The following RCL1 variants were observed in gnomAD, a reference collection of about 807,000 sequenced individuals.
RCL1 encodes RNA 3'-terminal phosphate cyclase-like protein.
In RCL1, 24 loss-of-function variants were observed where a neutral mutation model predicts 42.4. That is an observed-to-expected ratio of 0.57 (90% CI 0.41 to 0.80). RCL1 has a LOEUF of 0.80. Among genes scored for constraint, RCL1 ranks in the 30% least tolerant of loss-of-function variants. The pLI, the probability that RCL1 is intolerant of heterozygous loss-of-function variation, is 0.00. For missense variants in RCL1, 578 were observed against 467.9 expected, an observed-to-expected ratio of 1.24 and a Z score of -2.17; for synonymous variants, 228 against 177.3, an observed-to-expected ratio of 1.29 and a Z score of -2.27.
chr9:4,815,481 A>G (rs927661624), intron 1 of RCL1, among the ~76,000 whole-genome samples: 3 of 151,570 alleles, frequency 2.0e-5, no homozygotes, highest in African/African-American at 7.3e-5. Flanking sequence ...TGCAAATTTT[A>G]AAATTTATCC....
intron 1 of RCL1, among the ~76,000 whole-genome samples, chr9:4,796,498 T>C (rs2130960392): frequency 6.6e-6 from 1 of 152,330 alleles, no homozygotes; most frequent in East Asian, 1.9e-4. Context: ...TGGGCTCAGG[T>C]GATCCTCTCA....
At chr9:4,831,715 C>T (rs971233884) in intron 3 of RCL1, among the ~76,000 whole-genome samples, 1 of 152,280 alleles carries the variant, frequency 6.6e-6, no homozygotes, top group East Asian at 1.9e-4. Flanking sequence ...AGCTAATCTT[C>T]AGTGGTTTTC....
chr9:4,850,864 G>A (rs1379643468), intron 8 of RCL1, among the ~76,000 whole-genome samples: 2 of 152,168 alleles, frequency 1.3e-5, no homozygotes, highest in South Asian at 2.1e-4. Context: ...AGCTGGGCTC[G>A]TAGCTGCCGT....
At chr9:4,822,983 A>G (rs1409345290) in intron 1 of RCL1, among the ~76,000 whole-genome samples, 1 of 152,190 alleles carries the variant, frequency 6.6e-6, no homozygotes. Flanking sequence ...TAGTAAAATA[A>G]AAAACTGAAC....
chr9:4,815,558 G>A (rs1224716629), intron 1 of RCL1, among the ~76,000 whole-genome samples: 1 of 152,014 alleles, frequency 6.6e-6, no homozygotes, highest in Non-Finnish European at 1.5e-5. Flanking sequence ...TCTTCATTTG[G>A]CACCATGCTG....
chr9:4,860,374 T>C lies in RCL1; in HGVS notation c.*99T>C, dbSNP rs1054269338. On this transcript the variant is annotated 3_prime_UTR_variant, in exon 9 of 9. Transcript: ENST00000381750. Reference sequence around the variant, plus strand: ...CCAAATGGATTAATCCAGGACAGAATAGCCACTTGCTTAATTTTCTGTGAA... The same window carrying C: ...CCAAATGGATTAATCCAGGACAGAACAGCCACTTGCTTAATTTTCTGTGAA... 8.2e-7 allele frequency: 1 copy of C among 1,221,968 alleles called. No homozygotes were observed. 75.7% of individuals were successfully genotyped at this position (1,221,968 alleles called of 1,614,324 possible).
At chr9:4,806,120 T>C (rs1053670335) in intron 1 of RCL1, among the ~76,000 whole-genome samples, 4 of 151,658 alleles carry the variant, frequency 2.6e-5, no homozygotes, top group African/African-American at 9.7e-5. Context: ...TTTAGGAGGT[T>C]TTTTTTTCCC....
At chr9:4,819,360 G>A (rs945545086) in intron 1 of RCL1, among the ~76,000 whole-genome samples, 1 of 152,232 alleles carries the variant, frequency 6.6e-6, no homozygotes, top group African/African-American at 2.4e-5. Context: ...AGGTTGGAGA[G>A]TGCTGGTTTA....
chr9:4,812,540 A>G (rs1209411537), intron 1 of RCL1, among the ~76,000 whole-genome samples: 1 of 152,136 alleles, frequency 6.6e-6, no homozygotes, highest in African/African-American at 2.4e-5. Context: ...CTGGGATTAC[A>G]AAGTTTGTAG....
At chr9:4,809,422 G>A (rs1169460500) in intron 1 of RCL1, among the ~76,000 whole-genome samples, 1 of 151,796 alleles carries the variant, frequency 6.6e-6, no homozygotes, top group Non-Finnish European at 1.5e-5. Flanking sequence ...CGATTCCCCT[G>A]CCTCAGCCTC....
At chr9:4,856,732 G>A (rs539266757) in intron 8 of RCL1, among the ~76,000 whole-genome samples, 1 of 152,344 alleles carries the variant, frequency 6.6e-6, no homozygotes, top group South Asian at 2.1e-4. Context: ...AGGTCGAGAT[G>A]AAGTTGCACA....
rs761996748 is a variant in RCL1, at chr9:4,834,252, A to T, written c.571A>T (p.Ile191Phe). The change falls in exon 5 of 9, where the codon ATT becomes TTT. Residue 191 changes from isoleucine (I) to phenylalanine (F), a missense_variant. Transcript: ENST00000381750. ...QLTDPGKIKR[I>F]RGMAYSVRVS... The stretch of plus-strand genomic sequence containing the variant: ...CACAGATCCAGGAAAAATCAAACGT[A>T]TTAGAGGAATGGCGTATCCTTTCCA... 1 of 1,612,114 alleles carries T rather than the reference A, an allele frequency of 6.2e-7. No individual in the cohort carries two copies. The highest frequency in any genetic ancestry group is 8.5e-7 in the Non-Finnish European group (1 of 1,178,790).
chr9:4,856,521 G>A (rs1817968047), intron 8 of RCL1, among the ~76,000 whole-genome samples: 1 of 152,190 alleles, frequency 6.6e-6, no homozygotes, highest in Non-Finnish European at 1.5e-5. Flanking sequence ...AACGGGTTCA[G>A]TGTTGGAGAA....
At chr9:4,855,642 T>G (rs903245480) in intron 8 of RCL1, among the ~76,000 whole-genome samples, 3 of 152,156 alleles carry the variant, frequency 2.0e-5, no homozygotes, top group Non-Finnish European at 4.4e-5. Context: ...TCTGTGGTTT[T>G]TTTTCAGGTT....
At chr9:4,822,168 G>A (rs531650674) in intron 1 of RCL1, among the ~76,000 whole-genome samples, 1 of 152,356 alleles carries the variant, frequency 6.6e-6, no homozygotes, top group East Asian at 1.9e-4. Flanking sequence ...TTATGGGACA[G>A]TGTTATGTAA....
At chr9:4,822,553 C>T (rs1302291199) in intron 1 of RCL1, among the ~76,000 whole-genome samples, 1 of 152,132 alleles carries the variant, frequency 6.6e-6, no homozygotes, top group African/African-American at 2.4e-5. Flanking sequence ...CTTGGTGGCT[C>T]ACGACTGTAA....
intron 1 of RCL1, among the ~76,000 whole-genome samples, chr9:4,816,288 C>G (rs938798631): frequency 3.3e-5 from 5 of 152,178 alleles, no homozygotes; most frequent in Non-Finnish European, 7.3e-5. Context: ...TGTCTTTTGA[C>G]ACTTTCAGTG....
At chr9:4,813,035 C>T (rs915413548) in intron 1 of RCL1, among the ~76,000 whole-genome samples, 4 of 152,132 alleles carry the variant, frequency 2.6e-5, no homozygotes, top group Admixed American at 6.5e-5. Context: ...TAACTTCCTC[C>T]TTCCCGATTT....
intron 3 of RCL1, among the ~76,000 whole-genome samples, 158 bp from the exon 4 acceptor site, chr9:4,832,996 C>G (rs1166564311): frequency 1.3e-5 from 2 of 152,130 alleles, no homozygotes; most frequent in Non-Finnish European, 2.9e-5. Flanking sequence ...CAGTGTTCCT[C>G]AGGCAGAGCC....
Sources: gnomAD v4.1 joint callset for allele counts (sites outside exome capture counted in the v4.1 genomes callset) on GRCh38, gnomAD v4.1.1 for gene constraint, MANE v1.5 for transcripts, NCBI Gene and HGNC (gene_info 2026-07-23, HGNC 2026-07-21) for gene names.